Variants in AHRR observed in about 807,000 individuals in gnomAD.
The protein encoded by AHRR is ahR repressor.
In AHRR, 28 loss-of-function variants were observed where a neutral mutation model predicts 44.0. The observed-to-expected ratio is 0.64, with a 90% CI of 0.47 to 0.87. AHRR has a LOEUF of 0.87. Among genes scored for constraint, AHRR ranks in the 40% least tolerant of loss-of-function variants. AHRR has a pLI of 0.00. For missense variants in AHRR, 990 were observed against 953.9 expected (o/e 1.04, Z -0.50); for synonymous variants, 434 against 407.0 (o/e 1.07, Z -0.80).
Position 432,519 on chromosome 5 carries a change from C to T in AHRR, c.965C>T (p.Ser322Leu), listed in dbSNP as rs771846716. 14 of 1,613,990 alleles carry T rather than the reference C, an allele frequency of 8.7e-6. No homozygotes were observed. Among genetic ancestry groups the T allele is most frequent in the Non-Finnish European group, 1.1e-5 (13 of 1,179,846 alleles). ...ESELHGKPNYSAGRSSRESGV... is the reference protein window; with the variant it reads ...ESELHGKPNYLAGRSSRESGV... ...GAACTGCATGGAAAACCCAATTACT[C>T]AGCAGGTACTTAGAACATTTCTTAT... The change falls in exon 9 of 11, where the codon TCA becomes TTA. Residue 322 changes from serine (S) to leucine (L), a missense_variant. Physicochemically the swap from Ser to Leu is moderately radical, Grantham distance 145. Coordinates refer to ENST00000684583, the MANE Select transcript of AHRR (RefSeq NM_001377236.1).
chr5:426,627 G>GTGGA (rs1303551246), intron 7 of AHRR, among the ~76,000 whole-genome samples: 1 of 138,264 alleles, frequency 7.2e-6, no homozygotes, highest in African/African-American at 2.6e-5. Context: ...GGACGGATGG[G>GTGGA]TGGATGGATG....
chr5:348,072 AG>A (rs1239826752), intron 2 of AHRR, among the ~76,000 whole-genome samples: 2 of 152,216 alleles, frequency 1.3e-5, no homozygotes, highest in African/African-American at 2.4e-5. Flanking sequence ...CACTGAGTGC[AG>A]GGGGCAGCTG....
At position 436,385 on chromosome 5, in the gene AHRR, A is replaced by G. The variant is rs1184873366; in HGVS notation, c.*1551A>G. 6.6e-6 allele frequency: 1 copy of G among 152,124 alleles called. No homozygotes were observed. The highest frequency in any genetic ancestry group is 1.5e-5 in the Non-Finnish European group (1 of 68,040). 9.4% of individuals were successfully genotyped at this position (152,124 alleles called of 1,614,324 possible). ...TACTTAGATGCTGGTTTAATGCTGG[A>G]CCCATTTGTTAAACGCACCTTCACT... On this transcript the variant is annotated 3_prime_UTR_variant, in exon 11 of 11. Transcript: ENST00000684583.
intron 3 of AHRR, among the ~76,000 whole-genome samples, chr5:372,467 GCTT>G (rs1272368109): frequency 8.5e-5 from 13 of 152,144 alleles, no homozygotes; most frequent in Admixed American, 1.3e-4. Context: ...TGCCTGTTCT[GCTT>G]CTTCTGTTTC....
chr5:322,499 G>A (rs1446938075), intron 1 of AHRR: 1 of 152,066 alleles, frequency 6.6e-6, no homozygotes, highest in Non-Finnish European at 1.5e-5. Flanking sequence ...AGGCGGGGAG[G>A]GGCTTCCTCC....
At chr5:340,688 ATTTTTTTT>A (rs539789608) in intron 1 of AHRR, among the ~76,000 whole-genome samples, 163 of 12,920 alleles carry the variant, frequency 0.013, 10 homozygotes, top group East Asian at 0.053. Context: ...ATATATATAT[ATTTTTTTT>A]TTTTTTTTTT....
chr5:346,147 G>C (rs960904318), intron 2 of AHRR, among the ~76,000 whole-genome samples: 3 of 152,208 alleles, frequency 2.0e-5, no homozygotes, highest in African/African-American at 7.2e-5. Context: ...AAGCTCTAGC[G>C]GGGGACGGCA....
chr5:394,936 C>T (rs1734632156), intron 4 of AHRR, among the ~76,000 whole-genome samples: 2 of 152,202 alleles, frequency 1.3e-5, no homozygotes, highest in African/African-American at 4.8e-5. Context: ...GCTGGCGGTG[C>T]GGCCGTGTCA....
rs1022818822 is a variant in AHRR at position 405,400 on chromosome 5, C to T, written c.352-7944C>T. Among the ~76,000 whole-genome samples, 1 of 152,124 alleles carries T rather than the reference C, an allele frequency of 6.6e-6. No homozygotes were observed. The highest frequency in any genetic ancestry group is 6.5e-5 in the Admixed American group (1 of 15,274). On this transcript the variant is annotated intron_variant, in intron 4 of 10. Transcript: ENST00000684583. This position sits in a 1 kb window ranked among gnomAD's most constrained non-coding sequence, Gnocchi z 4.5. The stretch of plus-strand genomic sequence containing the variant: ...ATGGGCTTCTTTACTGATGCCAAAC[C>T]GTATAAAGCATTGGCCTATTTTGTC...
intron 5 of AHRR, among the ~76,000 whole-genome samples, chr5:418,368 A>C (rs567936393): frequency 1.6e-4 from 25 of 152,210 alleles, no homozygotes; most frequent in Non-Finnish European, 3.5e-4. Context: ...TGCCACACTG[A>C]TGATTAAAAC....
intron 2 of AHRR, among the ~76,000 whole-genome samples, chr5:348,807 T>C (rs941042744): frequency 2.0e-5 from 3 of 152,258 alleles, no homozygotes; most frequent in African/African-American, 7.2e-5. Flanking sequence ...ACCATGAACA[T>C]TTTTGTACAA....
At chr5:350,409 A>G (rs2721041) in intron 2 of AHRR, among the ~76,000 whole-genome samples, 107,164 of 152,094 alleles carry the variant, frequency 0.7, 38,350 homozygotes, top group African/African-American at 0.77. Context: ...ATGGGCGTTG[A>G]TGAATCCTCC....
chr5:428,604 G>A (rs560128024), intron 8 of AHRR, among the ~76,000 whole-genome samples: 1 of 152,190 alleles, frequency 6.6e-6, no homozygotes, highest in African/African-American at 2.4e-5. Context: ...GACTGGGAGT[G>A]GGGGGATGGT....
chr5:376,551 A>AGAACCGGGGGGTGAACGCGGGGAAACAC, intron 3 of AHRR, 59 bp from the exon 4 acceptor site: 1 of 1,401,308 alleles, frequency 7.1e-7, no homozygotes, highest in South Asian at 1.4e-5. Flanking sequence ...GATGTGAATG[A>AGAACCGGGGGGTGAACGCGGGGAAACAC]AGAAGAGTGG....
intron 5 of AHRR, 56 bp from the exon 6 acceptor site, chr5:422,673 A>T (rs1736186139): frequency 1.2e-6 from 2 of 1,611,862 alleles, no homozygotes; most frequent in East Asian, 2.2e-5. Flanking sequence ...TCGGTGGAAT[A>T]AAGTGTCTAA....
At chr5:368,564 T>C (rs1646189713) in intron 3 of AHRR, among the ~76,000 whole-genome samples, 1 of 152,274 alleles carries the variant, frequency 6.6e-6, no homozygotes, top group Non-Finnish European at 1.5e-5. Context: ...TTTCACATCA[T>C]GAAGAGAATA....
At chr5:400,257 T>C (rs1289360353) in intron 4 of AHRR, among the ~76,000 whole-genome samples, 1 of 152,236 alleles carries the variant, frequency 6.6e-6, no homozygotes, top group Non-Finnish European at 1.5e-5. Context: ...TTTTCTGCCC[T>C]GGAACTGGAA....
At chr5:423,237 A>G (rs964186757) in intron 6 of AHRR, among the ~76,000 whole-genome samples, 1 of 152,194 alleles carries the variant, frequency 6.6e-6, no homozygotes, top group Admixed American at 6.5e-5. Flanking sequence ...GTTATCCAAT[A>G]AAAGTCCCTG....
At position 326,491 on chromosome 5, in the gene AHRR, T is replaced by A. The variant is rs1391469488; in HGVS notation, c.-11+4672T>A. 1.3e-5 allele frequency among the ~76,000 whole-genome samples: 2 copies of A among 152,256 alleles called. No individual in the cohort carries two copies. Among genetic ancestry groups the A allele is most frequent in the African/African-American group, 4.8e-5 (2 of 41,466 alleles). On this transcript the variant is annotated intron_variant, in intron 1 of 10. Transcript: ENST00000684583. The surrounding 1 kb of genome is among the most constrained non-coding windows in gnomAD (Gnocchi z 4.1). ...ACATTCTGTTTACTGATCCCTCAGC[T>A]GATGGACATTTAGGTTGTTTACATT...
Sources: gnomAD v4.1 joint callset for allele counts (sites outside exome capture counted in the v4.1 genomes callset) on GRCh38, gnomAD v4.1.1 for gene constraint, Gnocchi (gnomAD v3.1) non-coding constraint, MANE v1.5 for transcripts, NCBI Gene and HGNC (gene_info 2026-07-23, HGNC 2026-07-21) for gene names.